The following EXOC6B variants were observed in gnomAD, a reference collection of about 807,000 sequenced individuals.
The protein encoded by EXOC6B is exocyst complex component 6B.
Under a neutral mutation model 113.5 loss-of-function variants are expected in EXOC6B, and 54 were observed. The observed-to-expected ratio is 0.48, with a 90% confidence interval of 0.38 to 0.60. The LOEUF is 0.60. Ranked by LOEUF, EXOC6B falls within the 20% of genes least tolerant of loss-of-function variation. EXOC6B has a pLI of 0.00. For missense variants in EXOC6B, 797 were observed against 977.5 expected, an observed-to-expected ratio of 0.82 and a Z score of 2.46; for synonymous variants, 357 against 339.0, an observed-to-expected ratio of 1.05 and a Z score of -0.58.
chr2:72,442,485 G>C (rs768438294), intron 18 of EXOC6B, among the ~76,000 whole-genome samples: 1 of 152,054 alleles, frequency 6.6e-6, no homozygotes, highest in African/African-American at 2.4e-5. Context: ...TCTATATCTA[G>C]AAAACCACAT....
At chr2:72,642,904 A>C (rs1673373160) in intron 6 of EXOC6B, among the ~76,000 whole-genome samples, 1 of 148,804 alleles carries the variant, frequency 6.7e-6, no homozygotes, top group African/African-American at 2.5e-5. Flanking sequence ...CAATGAACTC[A>C]AACAAATTTA....
At chr2:72,641,356 C>A (rs535205345) in intron 6 of EXOC6B, among the ~76,000 whole-genome samples, 1 of 152,378 alleles carries the variant, frequency 6.6e-6, no homozygotes, top group Admixed American at 6.5e-5. Flanking sequence ...GCCACTCCCA[C>A]CCAAATACTG....
chr2:72,265,313 T>G (rs891272957), intron 20 of EXOC6B, among the ~76,000 whole-genome samples: 1 of 151,072 alleles, frequency 6.6e-6, no homozygotes, highest in South Asian at 2.1e-4. Context: ...GCAGGTTAGT[T>G]ACATATGTAT....
At chr2:72,213,038 C>T (rs148322476) in intron 20 of EXOC6B, among the ~76,000 whole-genome samples, 133 of 152,346 alleles carry the variant, frequency 8.7e-4, no homozygotes, top group African/African-American at 3.0e-3. Flanking sequence ...TATAGACCTT[C>T]TGAGGCTGGG....
chr2:72,554,696 C>T (rs1402720485), intron 8 of EXOC6B, among the ~76,000 whole-genome samples: 1 of 152,100 alleles, frequency 6.6e-6, no homozygotes, highest in African/African-American at 2.4e-5. Flanking sequence ...AGGTAGTGTT[C>T]TTTTCTTGAG....
chr2:72,609,560 C>A (rs1670946443), intron 6 of EXOC6B, among the ~76,000 whole-genome samples: 1 of 149,498 alleles, frequency 6.7e-6, no homozygotes, highest in South Asian at 2.1e-4. Context: ...CAGAAGAAAG[C>A]ATTAGTAAGT....
At chr2:72,229,427 T>C (rs1382338005) in intron 20 of EXOC6B, among the ~76,000 whole-genome samples, 3 of 152,160 alleles carry the variant, frequency 2.0e-5, no homozygotes, top group Non-Finnish European at 4.4e-5. Context: ...TACCATTTGC[T>C]TTAAAGCTAC....
At chr2:72,559,608 T>TGTTTG (rs1703768946) in intron 7 of EXOC6B, 87 bp from the exon 8 acceptor site, 1 of 1,103,356 alleles carries the variant, frequency 9.1e-7, no homozygotes, top group Non-Finnish European at 1.3e-6. Context: ...TGTTTGGTTC[T>TGTTTG]TTTTATAAAG....
intron 1 of EXOC6B, among the ~76,000 whole-genome samples, chr2:72,819,741 G>T (rs773999801): frequency 1.5e-4 from 23 of 152,056 alleles, no homozygotes; most frequent in Non-Finnish European, 2.6e-4. Context: ...CATCTACATT[G>T]GAGGAAGAGT....
intron 20 of EXOC6B, among the ~76,000 whole-genome samples, chr2:72,245,692 TA>T (rs1285463623): frequency 8.5e-5 from 13 of 152,328 alleles, no homozygotes; most frequent in Admixed American, 7.8e-4. Context: ...GCAGTGAAAC[TA>T]TTCTGTAATG....
At chr2:72,716,491 A>G (rs1258115278) in intron 6 of EXOC6B, among the ~76,000 whole-genome samples, 1 of 152,176 alleles carries the variant, frequency 6.6e-6, no homozygotes, top group Non-Finnish European at 1.5e-5. Context: ...AAGGATCCTG[A>G]GATGAAATAT....
intron 1 of EXOC6B, among the ~76,000 whole-genome samples, chr2:72,794,114 T>C (rs957087039): frequency 2.0e-5 from 3 of 152,230 alleles, no homozygotes; most frequent in African/African-American, 7.2e-5. Flanking sequence ...TTAATCGTCA[T>C]ATATAAACAT....
intron 6 of EXOC6B, among the ~76,000 whole-genome samples, chr2:72,647,716 T>C (rs1001450013): frequency 3.3e-5 from 5 of 152,234 alleles, no homozygotes; most frequent in African/African-American, 1.2e-4. Context: ...CTGGGAAAAC[T>C]GGCTAGCTAT....
At chr2:72,642,741 A>G (rs1205251401) in intron 6 of EXOC6B, among the ~76,000 whole-genome samples, 1 of 151,392 alleles carries the variant, frequency 6.6e-6, no homozygotes, top group African/African-American at 2.5e-5. Context: ...CAGCAATGGC[A>G]ACAAAAGACA....
rs1378070702 is a variant in EXOC6B at position 72,230,973 on chromosome 2, T to G, written c.2197-46786A>C. The stretch of plus-strand genomic sequence containing the variant: ...ACGTCAAAAGAAACAGTTAAAATGC[T>G]TTTCCAGTGAATGAGAACAGCTAGA... On this transcript the variant is annotated intron_variant, in intron 20 of 21. Coordinates refer to ENST00000272427, the MANE Select transcript of EXOC6B (RefSeq NM_015189.3). Among the ~76,000 whole-genome samples, 4 of 152,202 alleles carry G rather than the reference T, an allele frequency of 2.6e-5. No homozygotes were observed. The East Asian group carries it at 5.8e-4, about 22-fold the overall frequency.
At chr2:72,440,181 A>C (rs1696117879) in intron 18 of EXOC6B, among the ~76,000 whole-genome samples, 1 of 152,184 alleles carries the variant, frequency 6.6e-6, no homozygotes, top group Non-Finnish European at 1.5e-5. Flanking sequence ...TAAAATAAGC[A>C]GTCTGGAAAT....
At chr2:72,806,549 G>T (rs1037757820) in intron 1 of EXOC6B, among the ~76,000 whole-genome samples, 1 of 152,186 alleles carries the variant, frequency 6.6e-6, no homozygotes, top group Non-Finnish European at 1.5e-5. Context: ...TATATACCCA[G>T]TAATGGGATT....
chr2:72,713,341 C>T (rs1337779966), intron 6 of EXOC6B, among the ~76,000 whole-genome samples: 1 of 151,908 alleles, frequency 6.6e-6, no homozygotes, highest in Non-Finnish European at 1.5e-5. Flanking sequence ...TTTCTCAGTA[C>T]AATTCTAAAG....
At position 72,234,615 on chromosome 2, in the gene EXOC6B, A is replaced by G. The variant is rs144607396; in HGVS notation, c.2197-50428T>C. 3.9e-3 allele frequency among the ~76,000 whole-genome samples: 589 copies of G among 152,326 alleles called. 10 individuals are homozygous for G. Among genetic ancestry groups the G allele is most frequent in the African/African-American group, 0.014 (574 of 41,570 alleles). On this transcript the variant is annotated intron_variant, in intron 20 of 21. Coordinates refer to ENST00000272427, the MANE Select transcript of EXOC6B (RefSeq NM_015189.3). ...GCACAGAAAAAGAAACTATCAACAG[A>G]GTAAACAGACAACCTAGAATGGGAG...
Sources: allele counts gnomAD v4.1 joint callset (sites outside exome capture counted in the v4.1 genomes callset), GRCh38; gene constraint gnomAD v4.1.1; transcripts MANE v1.5; gene names NCBI Gene and HGNC (gene_info 2026-07-23, HGNC 2026-07-21).